KDM4C: variants seen among roughly 807,000 people sequenced by gnomAD.
The protein encoded by KDM4C is lysine-specific demethylase 4C.
In KDM4C, 81 loss-of-function variants were observed where a neutral mutation model predicts 129.3. The ratio of observed to expected loss-of-function variants is 0.63; its 90% CI spans 0.52 to 0.75. The LOEUF (loss-of-function observed/expected upper bound fraction) is 0.75. KDM4C is among the 30% of genes least tolerant of loss of function. The pLI is 0.00. For synonymous variants in KDM4C, 573 were observed against 456.1 expected (o/e 1.26, Z -3.26); for missense variants, 1,457 against 1,304.0 (o/e 1.12, Z -1.81).
intron 1 of KDM4C, among the ~76,000 whole-genome samples, chr9:6,791,733 A>T (rs10283920): frequency 0.17 from 26,480 of 152,154 alleles, 2,401 homozygotes; most frequent in South Asian, 0.21. Context: ...TAGAAAATTC[A>T]TTTTTACGGC....
chr9:7,157,166 G>T (rs1029291082), intron 19 of KDM4C, among the ~76,000 whole-genome samples: 1 of 152,108 alleles, frequency 6.6e-6, no homozygotes, highest in African/African-American at 2.4e-5. Context: ...TCTGTTCTTG[G>T]TGTATAGGAA....
At chr9:6,949,927 T>G (rs1827817944) in intron 8 of KDM4C, among the ~76,000 whole-genome samples, 1 of 152,222 alleles carries the variant, frequency 6.6e-6, no homozygotes, top group South Asian at 2.1e-4. Context: ...TTCTGGATTT[T>G]TGAGATCCCT....
chr9:6,863,401 A>G (rs1329658583), intron 5 of KDM4C, among the ~76,000 whole-genome samples: 2 of 152,128 alleles, frequency 1.3e-5, no homozygotes, highest in African/African-American at 2.4e-5. Flanking sequence ...TGATGTTTAG[A>G]AAAGTTCTGG....
intron 19 of KDM4C, among the ~76,000 whole-genome samples, chr9:7,144,524 T>C (rs1007305851): frequency 6.6e-6 from 1 of 152,228 alleles, no homozygotes; most frequent in African/African-American, 2.4e-5. Flanking sequence ...CTGGGGACAT[T>C]GGCCTAGGGG....
chr9:6,873,247 T>G (rs1843036027), intron 5 of KDM4C, among the ~76,000 whole-genome samples: 1 of 152,204 alleles, frequency 6.6e-6, no homozygotes, highest in Admixed American at 6.5e-5. Context: ...TCCACCCGCC[T>G]CGGCCTGGGA....
intron 15 of KDM4C, among the ~76,000 whole-genome samples, chr9:7,037,582 A>G (rs1489511640): frequency 6.6e-6 from 1 of 152,204 alleles, no homozygotes; most frequent in African/African-American, 2.4e-5. Context: ...GTGATTTTTT[A>G]TGAAACCAAA....
At chr9:6,955,082 C>T (rs1036030421) in intron 8 of KDM4C, among the ~76,000 whole-genome samples, 1 of 152,194 alleles carries the variant, frequency 6.6e-6, no homozygotes, top group Non-Finnish European at 1.5e-5. Flanking sequence ...GGAACAGGTG[C>T]ATCTCCTGGG....
intron 12 of KDM4C, among the ~76,000 whole-genome samples, chr9:6,995,738 C>G (rs1819575147): frequency 1.3e-5 from 2 of 151,986 alleles, no homozygotes; most frequent in Non-Finnish European, 1.5e-5. Context: ...GTGGCGCAGT[C>G]TCAGCTCACT....
At chr9:6,905,844 C>A (rs1301727084) in intron 8 of KDM4C, among the ~76,000 whole-genome samples, 1 of 152,168 alleles carries the variant, frequency 6.6e-6, no homozygotes, top group African/African-American at 2.4e-5. Flanking sequence ...GTGCTGAGCA[C>A]AGATTCTCCT....
Position 6,840,290 on chromosome 9 carries a change from C to G in KDM4C, c.436-9217C>G, listed in dbSNP as rs945499997. ...GTTTTGCTATGTTGTCCTGGCTAGT[C>G]TTGAACTCCTGGGCTCAAGCTATCT... is the stretch of plus-strand genomic sequence containing the variant. On this transcript the variant is annotated intron_variant, in intron 4 of 21. Transcript: ENST00000381309. Among the ~76,000 whole-genome samples, 14 of 152,118 alleles carry G rather than the reference C, an allele frequency of 9.2e-5. No homozygotes were observed. In the East Asian group the frequency reaches 1.9e-3, roughly 21 times the overall value.
intron 19 of KDM4C, among the ~76,000 whole-genome samples, chr9:7,133,266 C>A (rs1840836495): frequency 6.6e-6 from 1 of 151,906 alleles, no homozygotes; most frequent in Non-Finnish European, 1.5e-5. Flanking sequence ...CTTTTCTGGT[C>A]TTGAAATTTG....
At chr9:6,730,416 C>T (rs1462009125) in intron 1 of KDM4C, among the ~76,000 whole-genome samples, 1 of 151,802 alleles carries the variant, frequency 6.6e-6, no homozygotes, top group Non-Finnish European at 1.5e-5. Context: ...GAAATCGACA[C>T]CATCCTGGCT....
intron 17 of KDM4C, among the ~76,000 whole-genome samples, chr9:7,060,215 G>GTT (rs938638436): frequency 1.4e-5 from 2 of 143,550 alleles, no homozygotes; most frequent in Non-Finnish European, 1.5e-5. Flanking sequence ...TCATTGTCAT[G>GTT]TTTTTTTTTT....
chr9:7,170,619 A>G (rs1844861578), intron 21 of KDM4C: 6 of 954,968 alleles, frequency 6.3e-6, no homozygotes, highest in Admixed American at 6.2e-5. Flanking sequence ...AGTTTTATTC[A>G]TTTAGAATTA....
At chr9:6,855,458 CAAA>C (rs34177301) in intron 5 of KDM4C, among the ~76,000 whole-genome samples, 48 of 70,068 alleles carry the variant, frequency 6.9e-4, no homozygotes, top group African/African-American at 2.0e-3. Context: ...GACTCCGTCT[CAAA>C]AAAAAAAAAA....
At chr9:7,061,571 C>G (rs571404972) in intron 17 of KDM4C, among the ~76,000 whole-genome samples, 3 of 152,150 alleles carry the variant, frequency 2.0e-5, no homozygotes, top group African/African-American at 7.2e-5. Flanking sequence ...GTCAGGTTCT[C>G]TAGAGAAGAC....
intron 5 of KDM4C, among the ~76,000 whole-genome samples, chr9:6,874,664 GTCTGCCCAA>G (rs547197343): frequency 1.6e-4 from 24 of 152,174 alleles, no homozygotes; most frequent in Non-Finnish European, 3.1e-4. Flanking sequence ...GGAGCCCCAA[GTCTGCCCAA>G]TCTATCTTGA....
intron 3 of KDM4C, among the ~76,000 whole-genome samples, chr9:6,807,822 C>T (rs1830338128): frequency 6.7e-6 from 1 of 149,098 alleles, no homozygotes; most frequent in African/African-American, 2.5e-5. Flanking sequence ...CCCGGCCAGC[C>T]GCCCCATCCG....
intron 17 of KDM4C, among the ~76,000 whole-genome samples, chr9:7,086,605 C>T (rs552304120): frequency 1.3e-5 from 2 of 152,280 alleles, no homozygotes; most frequent in East Asian, 3.9e-4. Context: ...CCTGTTCAGC[C>T]TTTGATCCTG....
Sources: allele counts gnomAD v4.1 joint callset (sites outside exome capture counted in the v4.1 genomes callset), GRCh38; gene constraint gnomAD v4.1.1; transcripts MANE v1.5; gene names NCBI Gene and HGNC (gene_info 2026-07-23, HGNC 2026-07-21).